Variants in BCL2L11 observed in about 807,000 individuals in gnomAD.
The protein encoded by BCL2L11 is BCL2 like 11, also known as bcl-2-like protein 11.
BCL2L11 carries 15 observed loss-of-function variants against 20.6 expected under a neutral mutation model. The observed-to-expected ratio is 0.73, with a 90% confidence interval of 0.49 to 1.12. The LOEUF is 1.12. BCL2L11 is among the 50% of genes most tolerant of loss of function. The pLI is 0.00. For synonymous variants in BCL2L11, 108 were observed against 92.8 expected, an observed-to-expected ratio of 1.16 and a Z score of -0.94; for missense variants, 292 against 260.9, an observed-to-expected ratio of 1.12 and a Z score of -0.82.
chr2:111,139,359 T>A (rs142934955), intron 2 of BCL2L11, among the ~76,000 whole-genome samples: 1,638 of 152,288 alleles, frequency 0.011, 34 homozygotes, highest in African/African-American at 0.037. Context: ...TTGACTATAA[T>A]TCAAAATGTG....
chr2:111,135,220 G>T (rs1423609907), intron 2 of BCL2L11, among the ~76,000 whole-genome samples: 2 of 151,892 alleles, frequency 1.3e-5, no homozygotes, highest in African/African-American at 4.8e-5. Flanking sequence ...AAATTCTATT[G>T]ATTTTGCCTC....
chr2:111,155,880 A>G (rs930792465), intron 3 of BCL2L11, among the ~76,000 whole-genome samples: 5 of 152,260 alleles, frequency 3.3e-5, no homozygotes, highest in African/African-American at 1.2e-4. Flanking sequence ...AAGTGCATGT[A>G]GACCAAAATC....
intron 1 of BCL2L11, chr2:111,123,000 A>T: frequency 1.0e-6 from 1 of 984,778 alleles, no homozygotes; most frequent in Non-Finnish European, 1.2e-6. Context: ...GGTGTCGCCT[A>T]GCCTGCGGAC....
At chr2:111,122,765 C>G (rs1360784693) in intron 1 of BCL2L11, 1 of 985,244 alleles carries the variant, frequency 1.0e-6, no homozygotes, top group African/African-American at 1.7e-5. Context: ...GCGGGCTTTG[C>G]GCTGCGCCGG....
chr2:111,123,405 T>C (rs1424976686), intron 1 of BCL2L11: 39 of 985,366 alleles, frequency 4.0e-5, no homozygotes, highest in Non-Finnish European at 4.7e-5. Context: ...GTTTCTGACT[T>C]ACTCGAAGAA....
intron 2 of BCL2L11, among the ~76,000 whole-genome samples, chr2:111,142,817 A>C (rs1029549727): frequency 1.3e-5 from 2 of 152,076 alleles, no homozygotes; most frequent in Non-Finnish European, 2.9e-5. Context: ...TTTTGTTTAA[A>C]TTCTCATCTC....
At chr2:111,161,519 T>C in intron 3 of BCL2L11, 2 of 1,549,340 alleles carry the variant, frequency 1.3e-6, no homozygotes. Context: ...AGGAAGACGG[T>C]CAAGGCATGG....
intron 2 of BCL2L11, among the ~76,000 whole-genome samples, chr2:111,129,639 A>T (rs555090820): frequency 6.6e-6 from 1 of 152,292 alleles, no homozygotes; most frequent in Admixed American, 6.5e-5. Context: ...AGTCCATTTC[A>T]TGTGTCTGTG....
At chr2:111,132,615 T>C (rs753081437) in intron 2 of BCL2L11, among the ~76,000 whole-genome samples, 5 of 152,258 alleles carry the variant, frequency 3.3e-5, no homozygotes, top group Non-Finnish European at 4.4e-5. Flanking sequence ...TTAAGTTGGC[T>C]TTGCTGGAAT....
intron 3 of BCL2L11, among the ~76,000 whole-genome samples, chr2:111,152,469 A>G (rs1216707269): frequency 2.6e-5 from 4 of 152,248 alleles, no homozygotes; most frequent in Non-Finnish European, 4.4e-5. Flanking sequence ...AAAGCATGCA[A>G]TATGAATGCA....
At position 111,167,955 on chromosome 2, in the gene BCL2L11, T is replaced by G. The variant is rs1192361940; in HGVS notation, c.*3724T>G. On this transcript the variant is annotated 3_prime_UTR_variant, in exon 4 of 4. Transcript: ENST00000393256. The stretch of plus-strand genomic sequence containing the variant: ...CTTCATGGTGGTTCCATGCAGGTGG[T>G]TCTGCCATCCCTGCTGATTTAGCCT... 1.3e-5 allele frequency: 2 copies of G among 152,682 alleles called. No individual in the cohort carries two copies. The highest frequency in any genetic ancestry group is 2.9e-5 in the Non-Finnish European group (2 of 68,066). The allele number at this position is 152,682 out of a possible 1,614,324, so 9.5% of individuals were successfully genotyped here. A position where few individuals can be genotyped will look rare whatever the true frequency, so the allele number is the denominator to read the frequency against.
chr2:111,129,200 G>A (rs1205461594), intron 2 of BCL2L11, among the ~76,000 whole-genome samples: 1 of 152,194 alleles, frequency 6.6e-6, no homozygotes, highest in Non-Finnish European at 1.5e-5. Context: ...GTAGATGGTA[G>A]AGCACATGCT....
chr2:111,134,215 C>T (rs2074451234), intron 2 of BCL2L11, among the ~76,000 whole-genome samples: 1 of 151,840 alleles, frequency 6.6e-6, no homozygotes, highest in South Asian at 2.1e-4. Context: ...TTTGTTTCCT[C>T]TGTTCCTTGT....
intron 3 of BCL2L11, among the ~76,000 whole-genome samples, chr2:111,153,602 A>G (rs1575161451): frequency 6.6e-6 from 1 of 152,310 alleles, no homozygotes; most frequent in Middle Eastern, 3.4e-3. Context: ...TCACAAGGGA[A>G]TTATCCTCTC....
At chr2:111,122,512 G>T (rs1439581134) in intron 1 of BCL2L11, 4 of 720,136 alleles carry the variant, frequency 5.6e-6, no homozygotes, top group Non-Finnish European at 6.8e-6. Flanking sequence ...CCCCCACCGC[G>T]GCTGCCGATT....
rs1360856342 is a variant in BCL2L11, at chr2:111,146,014, T to A, written c.395-4030T>A. On this transcript the variant is annotated intron_variant, in intron 2 of 3. Transcript: ENST00000393256. ...CTGCCTGAGTCTGCTACTTGCAGGA[T>A]TGGAGCTTTTGCTGCAGATTACAGC... 8.1e-6 allele frequency: 8 copies of A among 984,660 alleles called. No homozygotes were observed. The African/African-American group carries it at 1.2e-4, about 15-fold the overall frequency. The allele number at this position is 984,660 out of a possible 1,614,324, so 61.0% of individuals were successfully genotyped here. A position where few individuals can be genotyped will look rare whatever the true frequency, so the allele number is the denominator to read the frequency against.
At chr2:111,163,987 C>A in intron 3 of BCL2L11, 146 bp from the exon 4 acceptor site, 1 of 597,540 alleles carries the variant, frequency 1.7e-6, no homozygotes, top group Admixed American at 2.6e-5. Context: ...CTCTGGGAGG[C>A]ATCGTGCTTT....
chr2:111,146,200 T>C (rs992587059), intron 2 of BCL2L11: 8 of 985,036 alleles, frequency 8.1e-6, no homozygotes, highest in African/African-American at 1.7e-5. Context: ...GAAGAATTTT[T>C]TATGTTCACA....
intron 2 of BCL2L11, among the ~76,000 whole-genome samples, chr2:111,145,131 G>T (rs921801122): frequency 6.6e-6 from 1 of 152,172 alleles, no homozygotes. Flanking sequence ...GCGTTCCTGT[G>T]AATTTTAATT....
Sources: allele counts gnomAD v4.1 joint callset (sites outside exome capture counted in the v4.1 genomes callset), GRCh38; gene constraint gnomAD v4.1.1; transcripts MANE v1.5; gene names NCBI Gene and HGNC (gene_info 2026-07-23, HGNC 2026-07-21).